Variants in EXOC4 observed in about 807,000 individuals in gnomAD.
The protein encoded by EXOC4 is exocyst complex component 4, also known as SEC8-like 1.
In EXOC4, 71 loss-of-function variants were observed where a neutral mutation model predicts 107.2. The ratio of observed to expected loss-of-function variants is 0.66; its 90% CI spans 0.55 to 0.81. EXOC4 has a LOEUF of 0.81. EXOC4 is among the 30% of genes least tolerant of loss of function. The pLI is 0.00. For missense variants in EXOC4, 1,108 were observed against 1,189.6 expected, an observed-to-expected ratio of 0.93 and a Z score of 1.01; for synonymous variants, 456 against 441.2, an observed-to-expected ratio of 1.03 and a Z score of -0.42.
chr7:133,393,775 G>A (rs1416763009), intron 7 of EXOC4, among the ~76,000 whole-genome samples: 4 of 152,212 alleles, frequency 2.6e-5, no homozygotes, highest in African/African-American at 9.6e-5. Flanking sequence ...CTCTGGAAAT[G>A]TGAGGAATAC....
intron 11 of EXOC4, among the ~76,000 whole-genome samples, chr7:133,826,510 C>T (rs544931167): frequency 6.6e-6 from 1 of 152,194 alleles, no homozygotes; most frequent in South Asian, 2.1e-4. Flanking sequence ...TGACACTTGC[C>T]CAGACTTCCT....
chr7:133,269,820 G>A (rs1259150086), intron 1 of EXOC4, among the ~76,000 whole-genome samples: 1 of 152,182 alleles, frequency 6.6e-6, no homozygotes, highest in African/African-American at 2.4e-5. Flanking sequence ...ACATCTGAGA[G>A]GCAGGTTAGT....
intron 9 of EXOC4, among the ~76,000 whole-genome samples, chr7:133,579,996 A>G (rs1801217143): frequency 6.6e-6 from 1 of 152,154 alleles, no homozygotes; most frequent in Non-Finnish European, 1.5e-5. Flanking sequence ...CGCCCGGCCC[A>G]CAATATTACT....
rs11307694 is a variant in EXOC4, at chr7:133,569,152, ATT to A, written c.1418-60885_1418-60884del. Among the ~76,000 whole-genome samples, 966 of 151,762 alleles carry A rather than the reference ATT, an allele frequency of 6.4e-3. 12 individuals carry two copies. The highest frequency in any genetic ancestry group is 0.021 in the African/African-American group (882 of 41,410). ...AGAAAAAAAAGAATAATTAATAAAG[ATT>A]TTTTTTTAAAAGGCCAGATTAATAA... On this transcript the variant is annotated intron_variant, in intron 9 of 17. Coordinates refer to ENST00000253861, the MANE Select transcript of EXOC4 (RefSeq NM_021807.4).
intron 7 of EXOC4, among the ~76,000 whole-genome samples, chr7:133,414,893 A>G (rs557298064): frequency 1.3e-5 from 2 of 152,214 alleles, no homozygotes; most frequent in African/African-American, 4.8e-5. Context: ...CTCCACAAAG[A>G]AAGTCCGTTC....
chr7:133,333,266 C>T (rs1250858369), intron 5 of EXOC4, among the ~76,000 whole-genome samples: 3 of 151,858 alleles, frequency 2.0e-5, no homozygotes. Flanking sequence ...TCAAATTGTC[C>T]CAAATTTGGC....
At chr7:134,004,508 A>G (rs1427875205) in intron 15 of EXOC4, among the ~76,000 whole-genome samples, 1 of 152,184 alleles carries the variant, frequency 6.6e-6, no homozygotes, top group Non-Finnish European at 1.5e-5. Context: ...CATTGCAACA[A>G]TATCTGTTGA....
chr7:133,461,890 A>G (rs1358426004), intron 7 of EXOC4, among the ~76,000 whole-genome samples: 1 of 152,160 alleles, frequency 6.6e-6, no homozygotes, highest in Non-Finnish European at 1.5e-5. Flanking sequence ...AGAGAAGGCA[A>G]ATAACTGCTA....
At chr7:133,838,951 T>C (rs905586656) in intron 11 of EXOC4, among the ~76,000 whole-genome samples, 2 of 152,182 alleles carry the variant, frequency 1.3e-5, no homozygotes, top group Non-Finnish European at 2.9e-5. Flanking sequence ...TTGAAGTGAT[T>C]TGTTGTTATT....
At chr7:133,281,271 C>A (rs1584774357) in intron 2 of EXOC4, among the ~76,000 whole-genome samples, 1 of 146,106 alleles carries the variant, frequency 6.8e-6, no homozygotes, top group South Asian at 2.2e-4. Flanking sequence ...TACCCTAAAA[C>A]TTAAAGTGTA....
chr7:133,895,516 TA>T, intron 11 of EXOC4, 82 bp from the exon 12 acceptor site: 2 of 1,387,214 alleles, frequency 1.4e-6, no homozygotes, highest in Admixed American at 3.7e-5. Flanking sequence ...TACCTTAAAT[TA>T]TGACATACTT....
At chr7:133,977,798 C>G (rs982764560) in intron 14 of EXOC4, among the ~76,000 whole-genome samples, 1 of 151,610 alleles carries the variant, frequency 6.6e-6, no homozygotes, top group Non-Finnish European at 1.5e-5. Flanking sequence ...ACCCTTTCTT[C>G]TAGCAGAATT....
At chr7:133,866,876 A>G (rs907656083) in intron 11 of EXOC4, among the ~76,000 whole-genome samples, 3 of 152,252 alleles carry the variant, frequency 2.0e-5, no homozygotes, top group African/African-American at 4.8e-5. Context: ...GGAGAGCTTT[A>G]TAAGAGTTGT....
chr7:133,630,481 C>T (rs1033387985), intron 10 of EXOC4, among the ~76,000 whole-genome samples: 3 of 152,046 alleles, frequency 2.0e-5, no homozygotes, highest in African/African-American at 4.8e-5. Context: ...ACTCTGCACA[C>T]GTATTTTTAA....
intron 7 of EXOC4, among the ~76,000 whole-genome samples, chr7:133,454,789 C>T (rs1307234971): frequency 6.6e-6 from 1 of 152,136 alleles, no homozygotes; most frequent in African/African-American, 2.4e-5. Flanking sequence ...TAGTACAGAA[C>T]CACTCTATAT....
chr7:133,949,885 T>C (rs1343301822), intron 14 of EXOC4, among the ~76,000 whole-genome samples: 1 of 152,174 alleles, frequency 6.6e-6, no homozygotes, highest in Non-Finnish European at 1.5e-5. Flanking sequence ...AACTTGATTT[T>C]TTTTTAACAA....
chr7:133,812,335 G>A (rs1181929348), intron 10 of EXOC4, among the ~76,000 whole-genome samples: 1 of 152,144 alleles, frequency 6.6e-6, no homozygotes, highest in African/African-American at 2.4e-5. Flanking sequence ...TTGTGAGGTA[G>A]GTAGTGTTAT....
chr7:133,713,725 G>C (rs191053031), intron 10 of EXOC4, among the ~76,000 whole-genome samples: 3 of 152,038 alleles, frequency 2.0e-5, no homozygotes, highest in Non-Finnish European at 2.9e-5. Context: ...GAGATCTGAT[G>C]GTTTTATAAG....
At chr7:133,291,312 CT>C (rs1313227894) in intron 3 of EXOC4, among the ~76,000 whole-genome samples, 1 of 149,736 alleles carries the variant, frequency 6.7e-6, no homozygotes, top group Non-Finnish European at 1.5e-5. Flanking sequence ...TTTATAGTGT[CT>C]TTGTTATAAA....
Sources: allele counts gnomAD v4.1 joint callset (sites outside exome capture counted in the v4.1 genomes callset), GRCh38; gene constraint gnomAD v4.1.1; transcripts MANE v1.5; gene names NCBI Gene and HGNC (gene_info 2026-07-23, HGNC 2026-07-21).